DENND2A: variants seen among roughly 807,000 people sequenced by gnomAD.
The protein encoded by DENND2A is DENN domain containing 2A, also known as DENN domain-containing protein 2A.
A neutral mutation model predicts 105.3 loss-of-function variants in DENND2A; 53 were observed. The observed-to-expected ratio is 0.50, with a 90% CI of 0.40 to 0.63. DENND2A has a LOEUF of 0.63. Among genes scored for constraint, DENND2A ranks in the 30% least tolerant of loss-of-function variants. The pLI, the probability that DENND2A is intolerant of heterozygous loss-of-function variation, is 0.00. For synonymous variants in DENND2A, 522 were observed against 508.4 expected, an observed-to-expected ratio of 1.03 and a Z score of -0.36; for missense variants, 1,138 against 1,279.6, an observed-to-expected ratio of 0.89 and a Z score of 1.69.
chr7:140,527,457 A>G lies in DENND2A; in HGVS notation c.2366T>C (p.Ile789Thr). Residue 789 changes from isoleucine (I) to threonine (T), a missense_variant, in exon 15 of 20, where the codon ATC (isoleucine) becomes ACC (threonine). Physicochemically the swap from Ile to Thr is moderately conservative, Grantham distance 89. Coordinates refer to ENST00000496613, the MANE Select transcript of DENND2A (RefSeq NM_015689.5). The surrounding 1 kb of genome is among the most constrained non-coding windows in gnomAD (Gnocchi z 4.9). ...SKCCHAMVALIYPFAWQHTYI... is the reference protein window; with the variant it reads ...SKCCHAMVALTYPFAWQHTYI... Reference sequence around the variant, plus strand: ...GGTGTGCTGCCAGGCGAAGGGGTAGATCAGCGCCACCATCGCGTGGCAGCA... The same window carrying G: ...GGTGTGCTGCCAGGCGAAGGGGTAGGTCAGCGCCACCATCGCGTGGCAGCA... The G allele has an allele frequency of 6.2e-7, 1 of 1,606,228 alleles. No individual in the cohort carries two copies. Among genetic ancestry groups the G allele is most frequent in the Non-Finnish European group, 8.5e-7 (1 of 1,176,972 alleles).
intron 1 of DENND2A, among the ~76,000 whole-genome samples, chr7:140,607,374 G>C (rs1385839687): frequency 6.6e-6 from 1 of 152,174 alleles, no homozygotes; most frequent in Non-Finnish European, 1.5e-5. Context: ...AGGGAGGCTG[G>C]GGAACCATGA....
In DENND2A at chr7:140,555,639, T is replaced by C. The variant is rs1338957353; in HGVS notation, c.2034A>G (p.Ser678=). 2 of 1,611,308 alleles carry C rather than the reference T, an allele frequency of 1.2e-6. No individual in the cohort carries two copies. Among genetic ancestry groups the C allele is most frequent in the Non-Finnish European group, 8.5e-7 (1 of 1,179,090 alleles). Reference sequence around the variant, plus strand: ...TCTCTGAGGTCCAAGTTCTCACCCTTGAAAAGAGGCTGAAGCATCCCAGGC... The same window carrying C: ...TCTCTGAGGTCCAAGTTCTCACCCTCGAAAAGAGGCTGAAGCATCCCAGGC... ...VSRLGCFSLF[S]RILDEVEKRR... is the part of the protein sequence containing the mutation. The change falls in exon 12 of 20, where the codon TCA becomes TCG. Residue 678 remains serine (S), a synonymous_variant. Coordinates refer to ENST00000496613, the MANE Select transcript of DENND2A (RefSeq NM_015689.5).
At chr7:140,547,043 G>A (rs1399453604) in intron 12 of DENND2A, 104 bp from the exon 13 acceptor site, 3 of 1,445,462 alleles carry the variant, frequency 2.1e-6, no homozygotes, top group Non-Finnish European at 2.8e-6. Context: ...AAGAATTATG[G>A]GGAAGCCCTG....
chr7:140,589,531 C>G (rs561682085), intron 3 of DENND2A, among the ~76,000 whole-genome samples: 5 of 152,304 alleles, frequency 3.3e-5, no homozygotes, highest in Admixed American at 1.3e-4. Flanking sequence ...ACAGGTAAAG[C>G]CTTGACTGCC....
intron 1 of DENND2A, among the ~76,000 whole-genome samples, chr7:140,631,950 G>A (rs905760377): frequency 6.6e-6 from 1 of 152,144 alleles, no homozygotes; most frequent in African/African-American, 2.4e-5. Context: ...AAGCTCGGGA[G>A]ATGCAAGTTC....
chr7:140,612,926 C>T (rs1305869365), intron 1 of DENND2A, among the ~76,000 whole-genome samples: 5 of 151,726 alleles, frequency 3.3e-5, no homozygotes, highest in East Asian at 2.0e-4. Flanking sequence ...ACCACCCTTA[C>T]TAACATGGAG....
At chr7:140,591,307 C>G (rs1489509361) in intron 3 of DENND2A, among the ~76,000 whole-genome samples, 1 of 152,120 alleles carries the variant, frequency 6.6e-6, no homozygotes, top group African/African-American at 2.4e-5. Context: ...GAGTGAGACC[C>G]TGTTTCAAAA....
intron 14 of DENND2A, among the ~76,000 whole-genome samples, chr7:140,529,415 T>C (rs1043027344): frequency 7.2e-5 from 11 of 152,192 alleles, no homozygotes; most frequent in Non-Finnish European, 7.3e-5. Context: ...GAACTAGAAA[T>C]ACCATTTGAC....
At chr7:140,575,982 T>TA (rs1798284801) in intron 5 of DENND2A, among the ~76,000 whole-genome samples, 2 of 144,752 alleles carry the variant, frequency 1.4e-5, no homozygotes, top group East Asian at 2.0e-4. Flanking sequence ...AAAAAATAAA[T>TA]AAATAAACAA....
At chr7:140,636,779 C>T (rs1466920757) in intron 1 of DENND2A, among the ~76,000 whole-genome samples, 2 of 151,318 alleles carry the variant, frequency 1.3e-5, no homozygotes, top group Admixed American at 1.3e-4. Context: ...GCCTCAACCT[C>T]CCTAGGCTCA....
chr7:140,547,669 A>C (rs1235866279), intron 12 of DENND2A, among the ~76,000 whole-genome samples: 2 of 152,240 alleles, frequency 1.3e-5, no homozygotes, highest in African/African-American at 4.8e-5. Context: ...ATATGTTCAC[A>C]TAAAAATTTG....
intron 3 of DENND2A, among the ~76,000 whole-genome samples, chr7:140,596,816 C>T (rs763942900): frequency 5.3e-5 from 8 of 152,310 alleles, no homozygotes; most frequent in Non-Finnish European, 1.0e-4. Context: ...CATGTGAATT[C>T]AGGATGGTGC....
chr7:140,594,391 A>C (rs1031578149), intron 3 of DENND2A, among the ~76,000 whole-genome samples: 1 of 152,124 alleles, frequency 6.6e-6, no homozygotes, highest in African/African-American at 2.4e-5. Context: ...GACATGATGC[A>C]GTCTTTCCTG....
chr7:140,544,395 A>G (rs982132169), intron 14 of DENND2A: 2 of 614,918 alleles, frequency 3.3e-6, no homozygotes, highest in Admixed American at 5.5e-5. Context: ...GAGTTTCACC[A>G]TGTTGCACAG....
At chr7:140,572,500 T>A (rs1798132934) in intron 6 of DENND2A, among the ~76,000 whole-genome samples, 1 of 151,352 alleles carries the variant, frequency 6.6e-6, no homozygotes, top group African/African-American at 2.4e-5. Flanking sequence ...CGGTGGCTCA[T>A]GCCTGTAATC....
intron 12 of DENND2A, among the ~76,000 whole-genome samples, chr7:140,555,283 G>A (rs897472969): frequency 6.6e-6 from 1 of 151,994 alleles, no homozygotes; most frequent in African/African-American, 2.4e-5. Flanking sequence ...ACAGGCGCCC[G>A]CCACCACGCC....
At chr7:140,537,384 A>G (rs1796488219) in intron 14 of DENND2A, among the ~76,000 whole-genome samples, 1 of 151,776 alleles carries the variant, frequency 6.6e-6, no homozygotes, top group African/African-American at 2.4e-5. Context: ...ATCACTAGCC[A>G]GTAGTCTATC....
rs981003246 is a variant in DENND2A at position 140,620,127 on chromosome 7, C to T, written c.-247-14321G>A. On this transcript the variant is annotated intron_variant, in intron 1 of 19. Transcript: ENST00000496613. ...AGGAGAATCGCTTGAACCCAGGAGG[C>T]GGAGGTTGCATGGAGCCAAGATTGC... Among the ~76,000 whole-genome samples the T allele has an allele frequency of 1.6e-4, 24 of 151,796 alleles. 1 individual carries two copies. The highest frequency in any genetic ancestry group is 6.3e-4 in the South Asian group (3 of 4,800).
intron 5 of DENND2A, among the ~76,000 whole-genome samples, chr7:140,581,224 A>G (rs1798528016): frequency 6.6e-6 from 1 of 152,120 alleles, no homozygotes; most frequent in Non-Finnish European, 1.5e-5. Context: ...AGATCGAGCC[A>G]CTGCACTCCA....
Sources: allele counts gnomAD v4.1 joint callset (sites outside exome capture counted in the v4.1 genomes callset), GRCh38; gene constraint gnomAD v4.1.1; non-coding constraint Gnocchi (gnomAD v3.1); transcripts MANE v1.5; gene names NCBI Gene and HGNC (gene_info 2026-07-23, HGNC 2026-07-21).